The following CDH18 variants were observed in gnomAD, a reference collection of about 807,000 sequenced individuals.
The protein encoded by CDH18 is cadherin 18.
In CDH18, 31 loss-of-function variants were observed where a neutral mutation model predicts 67.9. The ratio of observed to expected loss-of-function variants is 0.46; its 90% CI spans 0.34 to 0.62. The LOEUF is 0.62. CDH18 is among the 20% of genes least tolerant of loss of function. The pLI is 0.01. For missense variants in CDH18, 890 were observed against 975.5 expected, an observed-to-expected ratio of 0.91 and a Z score of 1.17; for synonymous variants, 362 against 347.2, an observed-to-expected ratio of 1.04 and a Z score of -0.48.
chr5:19,883,277 A>C (rs1255558082), intron 2 of CDH18, among the ~76,000 whole-genome samples: 1 of 152,180 alleles, frequency 6.6e-6, no homozygotes, highest in Non-Finnish European at 1.5e-5. Context: ...TGATATAAAC[A>C]GTTCTTTGAA....
intron 7 of CDH18, among the ~76,000 whole-genome samples, chr5:19,576,708 C>T (rs2171276): frequency 0.57 from 86,694 of 151,932 alleles, 27,271 homozygotes; most frequent in South Asian, 0.75. Flanking sequence ...AAGTAGAATT[C>T]CCATAGGATC....
At chr5:20,555,195 T>G (rs1757830410) in intron 1 of CDH18, among the ~76,000 whole-genome samples, 1 of 152,068 alleles carries the variant, frequency 6.6e-6, no homozygotes. Flanking sequence ...CAAAAAGAGT[T>G]AAGTCATGGG....
At chr5:19,782,453 C>T (rs1775229726) in intron 3 of CDH18, among the ~76,000 whole-genome samples, 1 of 152,062 alleles carries the variant, frequency 6.6e-6, no homozygotes, top group Non-Finnish European at 1.5e-5. Context: ...CACTTTTCCA[C>T]AGAGAGGAGT....
intron 2 of CDH18, among the ~76,000 whole-genome samples, chr5:20,163,940 A>C (rs1224124065): frequency 1.3e-5 from 2 of 152,206 alleles, no homozygotes; most frequent in Non-Finnish European, 2.9e-5. Flanking sequence ...TGCATGCATA[A>C]TACTTATCAC....
intron 6 of CDH18, among the ~76,000 whole-genome samples, chr5:19,607,078 C>A (rs1748174110): frequency 1.3e-5 from 2 of 151,536 alleles, no homozygotes; most frequent in Non-Finnish European, 3.0e-5. Flanking sequence ...ATTGGAAATA[C>A]CTTCTGCAAA....
intron 2 of CDH18, among the ~76,000 whole-genome samples, chr5:20,187,160 T>G (rs1048189096): frequency 1.4e-4 from 21 of 151,862 alleles, no homozygotes; most frequent in Non-Finnish European, 2.9e-4. Flanking sequence ...TAATGTTTAA[T>G]GTGTACAGAG....
At chr5:19,527,205 C>T (rs1439139554) in intron 9 of CDH18, among the ~76,000 whole-genome samples, 3 of 151,640 alleles carry the variant, frequency 2.0e-5, no homozygotes, top group Non-Finnish European at 4.4e-5. Context: ...AACAAACTAT[C>T]CACTTAAGTG....
At chr5:20,361,967 A>T in intron 1 of CDH18, among the ~76,000 whole-genome samples, 1 of 152,168 alleles carries the variant, frequency 6.6e-6, no homozygotes, top group East Asian at 1.9e-4. Context: ...ATTTTAATTG[A>T]CTGTAAACCA....
intron 1 of CDH18, among the ~76,000 whole-genome samples, chr5:20,509,306 A>G (rs1256137843): frequency 1.3e-5 from 2 of 152,044 alleles, no homozygotes; most frequent in African/African-American, 2.4e-5. Flanking sequence ...TAGATACTAC[A>G]TATAAGTGAG....
chr5:19,912,143 A>G (rs1791217466), intron 2 of CDH18, among the ~76,000 whole-genome samples: 1 of 152,052 alleles, frequency 6.6e-6, no homozygotes, highest in Non-Finnish European at 1.5e-5. Flanking sequence ...AGAGGAAGAA[A>G]AAATAAAGAC....
intron 5 of CDH18, among the ~76,000 whole-genome samples, chr5:19,677,806 A>G (rs188741290): frequency 6.6e-6 from 1 of 152,138 alleles, no homozygotes; most frequent in African/African-American, 2.4e-5. Context: ...AAAACTAACA[A>G]AGATATTTGA....
intron 1 of CDH18, among the ~76,000 whole-genome samples, chr5:20,370,132 A>G (rs764566197): frequency 6.6e-6 from 1 of 152,162 alleles, no homozygotes; most frequent in South Asian, 2.1e-4. Context: ...TTTTATTTTC[A>G]GATACATTAG....
intron 5 of CDH18, among the ~76,000 whole-genome samples, chr5:19,629,529 T>A (rs1237010205): frequency 6.6e-6 from 1 of 152,188 alleles, no homozygotes; most frequent in Non-Finnish European, 1.5e-5. Flanking sequence ...ATTCCCTGAA[T>A]CATATACTAA....
At chr5:20,118,691 C>T (rs1748113857) in intron 2 of CDH18, among the ~76,000 whole-genome samples, 1 of 152,122 alleles carries the variant, frequency 6.6e-6, no homozygotes, top group Non-Finnish European at 1.5e-5. Context: ...TGTCTTTAAA[C>T]ATGTGATTCC....
At chr5:19,554,586 C>T (rs1738055975) in intron 8 of CDH18, among the ~76,000 whole-genome samples, 1 of 151,248 alleles carries the variant, frequency 6.6e-6, no homozygotes, top group South Asian at 2.1e-4. Flanking sequence ...GTAAAATTCG[C>T]ATGAAATACA....
rs965140256 is a variant in CDH18, at chr5:20,437,236, C to G, written c.-580+138226G>C. Among the ~76,000 whole-genome samples the G allele has an allele frequency of 1.1e-4, 17 of 151,038 alleles. 2 individuals are homozygous for G. Among genetic ancestry groups the G allele is most frequent in the African/African-American group, 3.9e-4 (16 of 41,004 alleles). ...TTAATATAAATACTACATTGCCTTG[C>G]CTTATATACCTTTTTATAATCCCAT... On this transcript the variant is annotated intron_variant, in intron 1 of 14. Coordinates refer to the CDH18 transcript ENST00000507958.
chr5:20,203,583 G>GAGAGAGAGAGAA (rs1739626668), intron 2 of CDH18, among the ~76,000 whole-genome samples: 1 of 150,184 alleles, frequency 6.7e-6, no homozygotes, highest in African/African-American at 2.4e-5. Context: ...GGAGGGAAAA[G>GAGAGAGAGAGAA]AGAGAGAGAG....
chr5:20,183,955 GA>G (rs1464153290), intron 2 of CDH18, among the ~76,000 whole-genome samples: 2 of 152,136 alleles, frequency 1.3e-5, no homozygotes, highest in East Asian at 3.9e-4. Context: ...GGTAATGAAA[GA>G]ATGACTTACA....
chr5:20,362,134 C>T (rs954202911), intron 1 of CDH18, among the ~76,000 whole-genome samples: 11 of 152,096 alleles, frequency 7.2e-5, no homozygotes, highest in Non-Finnish European at 1.3e-4. Flanking sequence ...AGGCAGGAAT[C>T]ATAAACATTT....
Sources: gnomAD v4.1 joint callset for allele counts (sites outside exome capture counted in the v4.1 genomes callset) on GRCh38, gnomAD v4.1.1 for gene constraint, MANE v1.5 for transcripts, NCBI Gene and HGNC (gene_info 2026-07-23, HGNC 2026-07-21) for gene names.